ATP11B: variants seen among roughly 807,000 people sequenced by gnomAD.
ATP11B encodes phospholipid-transporting ATPase IF.
Under a neutral mutation model 157.8 loss-of-function variants are expected in ATP11B, and 81 were observed. The ratio of observed to expected loss-of-function variants is 0.51; its 90% confidence interval spans 0.43 to 0.62. The LOEUF (loss-of-function observed/expected upper bound fraction) is 0.62. Among genes scored for constraint, ATP11B ranks in the 20% least tolerant of loss-of-function variants. The pLI is 0.00. For missense variants in ATP11B, 1,165 were observed against 1,402.2 expected (o/e 0.83, Z 2.70); for synonymous variants, 451 against 469.4 (o/e 0.96, Z 0.51).
At chr3:182,913,256 GA>G (rs1233458231) in intron 28 of ATP11B, among the ~76,000 whole-genome samples, 5 of 152,380 alleles carry the variant, frequency 3.3e-5, no homozygotes, top group African/African-American at 9.6e-5. Flanking sequence ...TATGATAAAT[GA>G]TGCTTTTTTC....
chr3:182,794,332 C>T (rs1715459751), intron 1 of ATP11B, among the ~76,000 whole-genome samples: 1 of 152,156 alleles, frequency 6.6e-6, no homozygotes. Context: ...TGTCTAGCCC[C>T]CTCAGCGAGA....
Position 182,918,427 on chromosome 3 carries a change from A to G in ATP11B, c.*323A>G. The G allele has an allele frequency of 2.5e-6, 1 of 399,056 alleles. No homozygotes were observed. Among genetic ancestry groups the G allele is most frequent in the Non-Finnish European group, 4.4e-6 (1 of 226,234 alleles). The allele number at this position is 399,056 out of a possible 1,614,324, so 24.7% of individuals were successfully genotyped here. A position where few individuals can be genotyped will look rare whatever the true frequency, so the allele number is the denominator to read the frequency against. ...GGCCATTATATTTTAATATAAATGT[A>G]GAAAAAAGAGAGAAATCTTAGTAAA... is the stretch of plus-strand genomic sequence containing the variant. On this transcript the variant is annotated 3_prime_UTR_variant, in exon 30 of 30. Transcript: ENST00000323116.
intron 1 of ATP11B, among the ~76,000 whole-genome samples, chr3:182,794,139 G>C (rs886216590): frequency 6.6e-6 from 1 of 152,266 alleles, no homozygotes; most frequent in Non-Finnish European, 1.5e-5. Flanking sequence ...GGGCGAGGGA[G>C]CTGAGCGAGA....
At chr3:182,806,672 T>C (rs988048280) in intron 1 of ATP11B, among the ~76,000 whole-genome samples, 2 of 152,200 alleles carry the variant, frequency 1.3e-5, no homozygotes, top group African/African-American at 4.8e-5. Context: ...CAGCATTTAT[T>C]TATTATTGGA....
At chr3:182,847,400 TG>T (rs1429289417) in intron 9 of ATP11B, among the ~76,000 whole-genome samples, 1 of 152,160 alleles carries the variant, frequency 6.6e-6, no homozygotes, top group Non-Finnish European at 1.5e-5. Context: ...CCATAATGAA[TG>T]GGGTCCAAAT....
At chr3:182,915,721 C>G (rs1725095999) in intron 29 of ATP11B, 2 of 984,980 alleles carry the variant, frequency 2.0e-6, no homozygotes, top group African/African-American at 3.5e-5. Flanking sequence ...CCCCATTATT[C>G]TTTACATAGC....
chr3:182,917,530 C>T, intron 29 of ATP11B: 1 of 985,292 alleles, frequency 1.0e-6, no homozygotes. Context: ...TTGAATACAT[C>T]ATTCGCTACA....
intron 29 of ATP11B, chr3:182,914,594 T>A (rs942011214): frequency 2.0e-6 from 2 of 985,284 alleles, no homozygotes. Context: ...ATTAAAAGTG[T>A]ATGAGTTAGA....
intron 10 of ATP11B, among the ~76,000 whole-genome samples, chr3:182,853,245 G>T (rs1389630869): frequency 6.6e-6 from 1 of 152,084 alleles, no homozygotes; most frequent in African/African-American, 2.4e-5. Flanking sequence ...GTCTCACTCT[G>T]TCACCAGGCT....
intron 29 of ATP11B, chr3:182,917,224 TA>T: frequency 2.0e-6 from 2 of 985,380 alleles, no homozygotes; most frequent in Non-Finnish European, 2.4e-6. Context: ...AAAATGTATT[TA>T]TTGTTAAATG....
At chr3:182,836,289 A>C (rs1250572095) in intron 5 of ATP11B, 53 bp from the exon 6 acceptor site, 2 of 1,606,992 alleles carry the variant, frequency 1.2e-6, no homozygotes, top group African/African-American at 1.3e-5. Context: ...AATAAAAGTA[A>C]GTCCTTGCCT....
chr3:182,853,761 A>G (rs971990923), intron 10 of ATP11B, among the ~76,000 whole-genome samples: 1 of 151,250 alleles, frequency 6.6e-6, no homozygotes, highest in Admixed American at 6.6e-5. Flanking sequence ...TCAAAATCAC[A>G]GCAATCTTTT....
At chr3:182,875,645 T>G (rs922559444) in intron 19 of ATP11B, among the ~76,000 whole-genome samples, 2 of 152,212 alleles carry the variant, frequency 1.3e-5, no homozygotes, top group African/African-American at 2.4e-5. Context: ...TTCTCTGCAT[T>G]GGTCAGGCTG....
chr3:182,833,493 T>C (rs1307616122), intron 4 of ATP11B, among the ~76,000 whole-genome samples: 2 of 152,086 alleles, frequency 1.3e-5, no homozygotes, highest in African/African-American at 4.8e-5. Context: ...ACCCAGCTAA[T>C]TTTTGTTATT....
At chr3:182,874,092 A>G (rs1721860369) in intron 19 of ATP11B, 77 bp downstream of exon 19, 6 of 1,265,668 alleles carry the variant, frequency 4.7e-6, no homozygotes, top group South Asian at 2.8e-5. Flanking sequence ...GATATAGCCC[A>G]CTGTCACTGC....
intron 12 of ATP11B, among the ~76,000 whole-genome samples, 189 bp from the exon 13 acceptor site, chr3:182,865,267 T>C (rs1399829090): frequency 1.3e-5 from 2 of 152,206 alleles, no homozygotes; most frequent in African/African-American, 4.8e-5. Flanking sequence ...CTATTTTGTG[T>C]TACCCTGTTT....
In ATP11B at chr3:182,887,666, A is replaced by G. The variant is rs1311808618; in HGVS notation, c.2796A>G (p.Glu932=). 3 of 1,612,972 alleles carry G rather than the reference A, an allele frequency of 1.9e-6. No individual in the cohort carries two copies. Among genetic ancestry groups the G allele is most frequent in the Non-Finnish European group, 2.5e-6 (3 of 1,179,706 alleles). The stretch of plus-strand genomic sequence containing the variant: ...CTATTCTGATATATAGTCTTTTGGA[A>G]CAGCATGTAGACCCTCATGTGTTAC... The part of the protein sequence containing the change: ...SLPILIYSLL[E]QHVDPHVLQN... The change falls in exon 24 of 30, where the codon GAA becomes GAG. Residue 932 remains glutamate (E), a synonymous_variant. Transcript: ENST00000323116.
chr3:182,890,170 C>G (rs2108570821), intron 25 of ATP11B, among the ~76,000 whole-genome samples: 1 of 152,212 alleles, frequency 6.6e-6, no homozygotes, highest in South Asian at 2.1e-4. Context: ...TTGGAGTGCT[C>G]ATGTTGAGAG....
At chr3:182,852,099 G>A (rs188543527) in intron 10 of ATP11B, among the ~76,000 whole-genome samples, 1 of 152,158 alleles carries the variant, frequency 6.6e-6, no homozygotes, top group East Asian at 1.9e-4. Flanking sequence ...GACAATGAGG[G>A]AATTGGATTA....
Sources: allele counts gnomAD v4.1 joint callset (sites outside exome capture counted in the v4.1 genomes callset), GRCh38; gene constraint gnomAD v4.1.1; transcripts MANE v1.5; gene names NCBI Gene and HGNC (gene_info 2026-07-23, HGNC 2026-07-21).